The following GJA3 variants were observed in gnomAD, a reference collection of about 807,000 sequenced individuals.
The protein encoded by GJA3 is gap junction protein alpha 3.
For missense variants in GJA3, 571 were observed against 620.3 expected (o/e 0.92, Z 0.84); for synonymous variants, 297 against 292.6 (o/e 1.02, Z -0.15).
intron 1 of GJA3, among the ~76,000 whole-genome samples, chr13:20,149,042 T>C (rs1288869625): frequency 6.6e-6 from 1 of 152,242 alleles, no homozygotes; most frequent in African/African-American, 2.4e-5. Flanking sequence ...GCTGCTTTCA[T>C]AGTCTTTGAA....
chr13:20,157,200 G>C lies in GJA3; in HGVS notation c.-18+3690C>G, dbSNP rs528799412. Among the ~76,000 whole-genome samples, 13 of 152,288 alleles carry C rather than the reference G, an allele frequency of 8.5e-5. No homozygotes were observed. In the East Asian group the frequency reaches 2.5e-3, roughly 29 times the overall value. On this transcript the variant is annotated intron_variant, in intron 1 of 1. Transcript: ENST00000241125. The stretch of plus-strand genomic sequence containing the variant: ...AACTTAGCAGTACCCCACTTTCTGA[G>C]GGGTGGCTTGGGGCAAGGGTAAGTA...
At position 20,141,384 on chromosome 13, in the gene GJA3, C is replaced by T. The variant is rs1342835817; in HGVS notation, c.*597G>A. On this transcript the variant is annotated 3_prime_UTR_variant, in exon 2 of 2. Coordinates refer to ENST00000241125, the MANE Select transcript of GJA3 (RefSeq NM_021954.4). ...AGGGCAACTGCTCTTTGTCACTTGT[C>T]ATGAGGCCTGAAGCTTGATATCCTG... 6.6e-6 allele frequency: 1 copy of T among 152,596 alleles called. No individual in the cohort carries two copies. The highest frequency in any genetic ancestry group is 1.5e-5 in the Non-Finnish European group (1 of 68,054). The allele number at this position is 152,596 out of a possible 1,614,324, so 9.5% of individuals were successfully genotyped here. A position where few individuals can be genotyped will look rare whatever the true frequency, so the allele number is the denominator to read the frequency against.
chr13:20,148,883 A>G (rs1299306267), intron 1 of GJA3, among the ~76,000 whole-genome samples: 1 of 152,234 alleles, frequency 6.6e-6, no homozygotes, highest in African/African-American at 2.4e-5. Flanking sequence ...AACTGACCTA[A>G]AAACTGTGGG....
At chr13:20,152,110 T>C (rs1049234900) in intron 1 of GJA3, among the ~76,000 whole-genome samples, 9 of 152,002 alleles carry the variant, frequency 5.9e-5, no homozygotes, top group Non-Finnish European at 1.2e-4. Flanking sequence ...GCCTGAGACG[T>C]GTGAGTGTGG....
intron 1 of GJA3, among the ~76,000 whole-genome samples, chr13:20,153,442 A>G (rs2141144129): frequency 6.6e-6 from 1 of 152,334 alleles, no homozygotes; most frequent in East Asian, 1.9e-4. Flanking sequence ...ACCATGGAAT[A>G]CTATGCAGCC....
intron 1 of GJA3, among the ~76,000 whole-genome samples, chr13:20,149,280 C>G (rs1424970092): frequency 6.6e-6 from 1 of 151,996 alleles, no homozygotes; most frequent in Non-Finnish European, 1.5e-5. Flanking sequence ...ATCTCTTGAG[C>G]CCAGGAGTTC....
intron 1 of GJA3, among the ~76,000 whole-genome samples, chr13:20,153,720 C>T (rs923419262): frequency 5.3e-5 from 8 of 151,316 alleles, no homozygotes; most frequent in Non-Finnish European, 1.2e-4. Flanking sequence ...CAACGTGGCA[C>T]ATGTATACAT....
chr13:20,160,314 A>G (rs1187012428), intron 1 of GJA3, among the ~76,000 whole-genome samples: 1 of 152,206 alleles, frequency 6.6e-6, no homozygotes, highest in Non-Finnish European at 1.5e-5. Context: ...AGTGTTTCTT[A>G]AAAATAAAAA....
intron 1 of GJA3, among the ~76,000 whole-genome samples, chr13:20,151,510 A>G (rs952996195): frequency 6.6e-6 from 1 of 152,144 alleles, no homozygotes; most frequent in African/African-American, 2.4e-5. Flanking sequence ...GAGAAGTTCC[A>G]TGTGTCAGAC....
At chr13:20,149,170 G>A (rs1300354171) in intron 1 of GJA3, among the ~76,000 whole-genome samples, 2 of 151,682 alleles carry the variant, frequency 1.3e-5, no homozygotes, top group South Asian at 2.1e-4. Flanking sequence ...TCTCAATTCT[G>A]GGCCACAGGT....
chr13:20,151,073 T>G (rs1958874067), intron 1 of GJA3, among the ~76,000 whole-genome samples: 1 of 43,224 alleles, frequency 2.3e-5, no homozygotes, highest in Non-Finnish European at 4.4e-5. Context: ...TGGGGTGGTG[T>G]GGGTGGTGGA....
chr13:20,140,449 A>G lies in GJA3; in HGVS notation c.*1532T>C, dbSNP rs527990894. On this transcript the variant is annotated 3_prime_UTR_variant, in exon 2 of 2. Coordinates refer to ENST00000241125, the MANE Select transcript of GJA3 (RefSeq NM_021954.4). ...GTGTGGTCCCAAATGCATCATCGAG[A>G]AGTTAATTTATAAAAAGAAATGTAT... The G allele has an allele frequency of 6.6e-6, 1 of 152,314 alleles. No individual in the cohort carries two copies. The highest frequency in any genetic ancestry group is 2.4e-5 in the African/African-American group (1 of 41,570). The allele number at this position is 152,314 out of a possible 1,614,324, so 9.4% of individuals were successfully genotyped here. A position where few individuals can be genotyped will look rare whatever the true frequency, so the allele number is the denominator to read the frequency against.
Position 20,140,599 on chromosome 13 carries a change from C to T in GJA3, c.*1382G>A, listed in dbSNP as rs571748257. 5.9e-5 allele frequency: 9 copies of T among 152,306 alleles called. No individual in the cohort carries two copies. The highest frequency in any genetic ancestry group is 2.2e-4 in the African/African-American group (9 of 41,546). The allele number at this position is 152,306 out of a possible 1,614,324, so 9.4% of individuals were successfully genotyped here. ...TAAACAAATGGTGACCAAGATACTACAGCTGTGTGTGCAGGACAGAAAATT... is the reference window on the plus strand; with the variant it reads ...TAAACAAATGGTGACCAAGATACTATAGCTGTGTGTGCAGGACAGAAAATT... On this transcript the variant is annotated 3_prime_UTR_variant, in exon 2 of 2. Coordinates refer to ENST00000241125, the MANE Select transcript of GJA3 (RefSeq NM_021954.4).
Position 20,142,826 on chromosome 13 carries a change from A to C in GJA3, c.463T>G (p.Phe155Val), listed in dbSNP as rs370564317. 1.2e-5 allele frequency: 19 copies of C among 1,613,544 alleles called. No homozygotes were observed. The African/African-American group carries it at 2.1e-4, about 18-fold the overall frequency. ...AAGCCCACCTCGAACAGCGTCTTGA[A>C]GATGATGTTGAAGACGTAGGTCCGC... ...LLRTYVFNIIFKTLFEVGFIA... is the reference protein window; with the variant it reads ...LLRTYVFNIIVKTLFEVGFIA... Residue 155 changes from phenylalanine (F) to valine (V), a missense_variant, in exon 2 of 2, where the codon TTC becomes GTC. Phe to Val is a conservative substitution (Grantham distance 50). Transcript: ENST00000241125.
chr13:20,161,529 G>A (rs1360969372), upstream of GJA3, among the ~76,000 whole-genome samples: 6 of 152,118 alleles, frequency 3.9e-5, no homozygotes. Flanking sequence ...GGTCTCGCCC[G>A]CCTGCAGCCG....
At chr13:20,145,021 TA>T (rs1339935416) in intron 1 of GJA3, among the ~76,000 whole-genome samples, 1 of 152,036 alleles carries the variant, frequency 6.6e-6, no homozygotes. Context: ...TCTCTACTAA[TA>T]ATACATAAGT....
intron 1 of GJA3, among the ~76,000 whole-genome samples, chr13:20,143,875 C>G (rs1419588315): frequency 6.6e-6 from 1 of 152,192 alleles, no homozygotes; most frequent in Non-Finnish European, 1.5e-5. Flanking sequence ...TGGATGGTAG[C>G]TTTAAGAGTA....
intron 1 of GJA3, among the ~76,000 whole-genome samples, chr13:20,143,702 C>T (rs1002485125): frequency 6.6e-6 from 1 of 152,244 alleles, no homozygotes; most frequent in Non-Finnish European, 1.5e-5. Flanking sequence ...TTGCTGCCAT[C>T]CCCATGCCCA....
At chr13:20,159,995 A>T (rs1299323334) in intron 1 of GJA3, among the ~76,000 whole-genome samples, 1 of 152,178 alleles carries the variant, frequency 6.6e-6, no homozygotes, top group Non-Finnish European at 1.5e-5. Context: ...TTCGCTTGTC[A>T]GCTGTTTGTA....
Sources: gnomAD v4.1 joint callset for allele counts (sites outside exome capture counted in the v4.1 genomes callset) on GRCh38, gnomAD v4.1.1 for gene constraint, MANE v1.5 for transcripts, NCBI Gene and HGNC (gene_info 2026-07-23, HGNC 2026-07-21) for gene names.